The following FAM228B variants were observed in gnomAD, a reference collection of about 807,000 sequenced individuals.
FAM228B encodes the protein protein FAM228B.
FAM228B carries 38 observed loss-of-function variants against 42.6 expected under a neutral mutation model. That is an observed-to-expected ratio of 0.89 (90% CI 0.69 to 1.17). The LOEUF (loss-of-function observed/expected upper bound fraction) is 1.17. Among genes scored for constraint, FAM228B ranks in the 50% most tolerant of loss-of-function variants. The pLI, the probability that FAM228B is intolerant of heterozygous loss-of-function variation, is 0.00. For synonymous variants in FAM228B, 109 were observed against 122.3 expected (o/e 0.89, Z 0.72); for missense variants, 344 against 367.3 (o/e 0.94, Z 0.52).
At chr2:24,136,734 A>G (rs1414868874) in intron 3 of FAM228B, among the ~76,000 whole-genome samples, 3 of 152,328 alleles carry the variant, frequency 2.0e-5, no homozygotes, top group South Asian at 4.1e-4. Flanking sequence ...AAAAAAATTA[A>G]TCATTTTTTT....
At chr2:24,132,794 T>A (rs1337246447) in intron 2 of FAM228B, among the ~76,000 whole-genome samples, 1 of 152,198 alleles carries the variant, frequency 6.6e-6, no homozygotes, top group African/African-American at 2.4e-5. Context: ...AATATTGAGC[T>A]TTTGTTTTAG....
chr2:24,123,718 C>T (rs1167408583), intron 1 of FAM228B, among the ~76,000 whole-genome samples, 185 bp downstream of exon 1: 3 of 151,550 alleles, frequency 2.0e-5, no homozygotes, highest in South Asian at 2.1e-4. Context: ...CGGGCGGTCC[C>T]CGCGCACGAC....
chr2:24,139,344 T>C (rs147808354), intron 4 of FAM228B, 26 bp from the exon 5 acceptor site: 1 of 1,362,784 alleles, frequency 7.3e-7, no homozygotes, highest in Admixed American at 2.1e-5. Context: ...CTTGTTCTTG[T>C]GTATCGTTTT....
chr2:24,120,612 A>G (rs1330283828), upstream of FAM228B, among the ~76,000 whole-genome samples: 1 of 152,034 alleles, frequency 6.6e-6, no homozygotes, highest in Non-Finnish European at 1.5e-5. Context: ...CCGGAGTGCA[A>G]TGGCACGATC....
intron 9 of FAM228B, 150 bp from the exon 10 acceptor site, chr2:24,167,477 A>T: frequency 1.1e-6 from 1 of 922,476 alleles, no homozygotes; most frequent in Non-Finnish European, 1.6e-6. Context: ...CTCACTGTCC[A>T]TTTAAACCTG....
At chr2:24,156,781 C>CG (rs922451440) in intron 7 of FAM228B, among the ~76,000 whole-genome samples, 3 of 142,742 alleles carry the variant, frequency 2.1e-5, no homozygotes, top group African/African-American at 7.7e-5. Flanking sequence ...TCCGCCCCCC[C>CG]CCCCCCAGCT....
chr2:24,122,326 CAAA>C (rs71397404), upstream of FAM228B: 116 of 747,994 alleles, frequency 1.6e-4, no homozygotes, highest in East Asian at 3.0e-4. Flanking sequence ...AATTCCGTCT[CAAA>C]AAAAAAAAAA....
chr2:24,121,349 G>A (rs1573753556), upstream of FAM228B: 3 of 1,561,870 alleles, frequency 1.9e-6, no homozygotes, highest in East Asian at 2.3e-5. Flanking sequence ...TATGGCTGGT[G>A]GCCAGCCAAA....
intron 2 of FAM228B, among the ~76,000 whole-genome samples, chr2:24,082,651 C>T (rs1301990694): frequency 2.0e-5 from 3 of 152,102 alleles, no homozygotes; most frequent in African/African-American, 4.8e-5. Flanking sequence ...TTCTGCTGGG[C>T]GTCCGGTGTT....
At chr2:24,090,696 G>A (rs1428642209) in intron 2 of FAM228B, among the ~76,000 whole-genome samples, 3 of 151,976 alleles carry the variant, frequency 2.0e-5, no homozygotes, top group Admixed American at 1.3e-4. Context: ...AACACCATAT[G>A]AGCCAATCAA....
rs1462466868 is a variant in FAM228B at position 24,146,826 on chromosome 2, T to C, written c.520T>C (p.Cys174Arg). Reference sequence around the variant, plus strand: ...TAACGAAAAAAGAACTCTTCTTCAGTGTGAGACTGGTACTTAGTTCCTAAT... The same window carrying C: ...TAACGAAAAAAGAACTCTTCTTCAGCGTGAGACTGGTACTTAGTTCCTAAT... ...KDNEKRTLLQ[C>R]ETGKIYSIKE... The change falls in exon 6 of 11, where the codon TGT becomes CGT. Residue 174 changes from cysteine to arginine, a missense_variant. Physicochemically the swap from Cys to Arg is radical, Grantham distance 180 (BLOSUM62 -3). Coordinates refer to ENST00000615575, the MANE Select transcript of FAM228B (RefSeq NM_001145710.2). 6 of 1,547,068 alleles carry C rather than the reference T, an allele frequency of 3.9e-6. No homozygotes were observed. The South Asian group carries it at 6.0e-5, about 15-fold the overall frequency.
At chr2:24,135,359 C>T (rs890035824) in intron 3 of FAM228B, among the ~76,000 whole-genome samples, 172 bp downstream of exon 3, 2 of 152,202 alleles carry the variant, frequency 1.3e-5, no homozygotes, top group Non-Finnish European at 2.9e-5. Context: ...CTCTAATGGA[C>T]TTCCTCCCTT....
chr2:24,077,454 C>CTCATA lies in FAM228B; in HGVS notation c.-290+489_-290+493dup. 8.5e-7 allele frequency: 1 copy of CTCATA among 1,173,980 alleles called. No homozygotes were observed. The highest frequency in any genetic ancestry group is 1.1e-6 in the Non-Finnish European group (1 of 873,342). The allele number at this position is 1,173,980 out of a possible 1,614,324, so 72.7% of individuals were successfully genotyped here. A position where few individuals can be genotyped will look rare whatever the true frequency, so the allele number is the denominator to read the frequency against. On this transcript the variant is annotated intron_variant, in intron 1 of 10. Coordinates refer to the FAM228B transcript ENST00000613899. This position sits in a 1 kb window ranked among gnomAD's most constrained non-coding sequence, Gnocchi z 5.5. Reference sequence around the variant, plus strand: ...ACCCTTCCAGTTCACTCTTTATTTCCTCATATCAGCTTTAAACGGCTCTGG... The same window carrying CTCATA: ...ACCCTTCCAGTTCACTCTTTATTTCCTCATATCATATCAGCTTTAAACGGCTCTGG...
chr2:24,152,388 T>C lies in FAM228B; in HGVS notation c.686+5302T>C, dbSNP rs114664469. ...TTTTCCTGGATGGTGTTGATGCTTATAGATATTCATCAGTGTCTGAGCATT... is the reference window on the plus strand; with the variant it reads ...TTTTCCTGGATGGTGTTGATGCTTACAGATATTCATCAGTGTCTGAGCATT... On this transcript the variant is annotated intron_variant, in intron 7 of 10. Coordinates refer to ENST00000615575, the MANE Select transcript of FAM228B (RefSeq NM_001145710.2). 7.0e-3 allele frequency among the ~76,000 whole-genome samples: 1,064 copies of C among 152,356 alleles called. 8 individuals carry two copies. The highest frequency in any genetic ancestry group is 0.025 in the African/African-American group (1,024 of 41,570).
chr2:24,135,090 CTT>C, intron 2 of FAM228B, 27 bp from the exon 3 acceptor site: 1 of 1,370,472 alleles, frequency 7.3e-7, no homozygotes, highest in Non-Finnish European at 1.0e-6. Context: ...TAAAGATTTT[CTT>C]TTCAAAGTTT....
Position 24,084,252 on chromosome 2 carries a change from C to G in FAM228B, c.-210+3297C>G, listed in dbSNP as rs34704159. ...CCTTCAGGAGGACTTCACCCTCCCC[C>G]GGGCTCGGCTTGGCCACCTCCTTCA... On this transcript the variant is annotated intron_variant, in intron 2 of 10. Transcript: ENST00000613899. The surrounding 1 kb of genome is among the most constrained non-coding windows in gnomAD (Gnocchi z 8.4). The G allele has an allele frequency of 2.6e-5, 42 of 1,614,134 alleles. No homozygotes were observed. In the African/African-American group the frequency reaches 4.3e-4, roughly 16 times the overall value.
chr2:24,129,952 T>G (rs1017531282), intron 2 of FAM228B, among the ~76,000 whole-genome samples: 2 of 133,332 alleles, frequency 1.5e-5, no homozygotes, highest in Non-Finnish European at 3.4e-5. Context: ...GTCCTAATGC[T>G]CACCTCCCCT....
At chr2:24,168,950 C>T (rs1340824198) in intron 10 of FAM228B, among the ~76,000 whole-genome samples, 1 of 152,080 alleles carries the variant, frequency 6.6e-6, no homozygotes, top group East Asian at 1.9e-4. Context: ...ATCAGCTGAT[C>T]GCGAGGCACA....
chr2:24,102,965 T>A (rs1665634784), intron 3 of FAM228B, among the ~76,000 whole-genome samples: 1 of 152,180 alleles, frequency 6.6e-6, no homozygotes, highest in Admixed American at 6.5e-5. Flanking sequence ...CTTCTGAACC[T>A]TAAGAAATAT....
Sources: allele counts gnomAD v4.1 joint callset (sites outside exome capture counted in the v4.1 genomes callset), GRCh38; gene constraint gnomAD v4.1.1; non-coding constraint Gnocchi (gnomAD v3.1); transcripts MANE v1.5; gene names NCBI Gene and HGNC (gene_info 2026-07-23, HGNC 2026-07-21).